TACR3: variants seen among roughly 807,000 people sequenced by gnomAD.
TACR3 encodes the protein tachykinin receptor 3.
TACR3 carries 34 observed loss-of-function variants against 35.0 expected under a neutral mutation model. The observed-to-expected ratio is 0.97, with a 90% CI of 0.74 to 1.30. The LOEUF is 1.30. TACR3 is among the 50% of genes most tolerant of loss of function. The pLI is 0.00. For missense variants in TACR3, 558 were observed against 591.7 expected (o/e 0.94, Z 0.59); for synonymous variants, 233 against 221.1 (o/e 1.05, Z -0.48).
intron 3 of TACR3, among the ~76,000 whole-genome samples, chr4:103,607,436 T>G (rs1372998851): frequency 6.6e-6 from 1 of 151,886 alleles, no homozygotes; most frequent in Non-Finnish European, 1.5e-5. Context: ...ATGCTCATAA[T>G]AAGAATTCAA....
intron 3 of TACR3, among the ~76,000 whole-genome samples, chr4:103,655,505 CTTAT>C (rs1374332237): frequency 2.0e-5 from 3 of 151,980 alleles, no homozygotes; most frequent in Non-Finnish European, 2.9e-5. Flanking sequence ...AAAAATCTAA[CTTAT>C]TTAGTCGCAT....
chr4:103,697,186 T>G (rs1162956362), intron 1 of TACR3, among the ~76,000 whole-genome samples: 1 of 152,180 alleles, frequency 6.6e-6, no homozygotes, highest in Non-Finnish European at 1.5e-5. Flanking sequence ...AACAGATCAG[T>G]AACCAATCAG....
At chr4:103,688,913 G>T (rs1373067222) in intron 1 of TACR3, among the ~76,000 whole-genome samples, 1 of 152,044 alleles carries the variant, frequency 6.6e-6, no homozygotes, top group Non-Finnish European at 1.5e-5. Context: ...ATACCCAAAG[G>T]ACTATAAATC....
intron 3 of TACR3, among the ~76,000 whole-genome samples, chr4:103,596,850 A>G (rs1160194097): frequency 6.6e-6 from 1 of 150,812 alleles, no homozygotes; most frequent in Non-Finnish European, 1.5e-5. Context: ...GAGAACATGC[A>G]GTTTGGTTTT....
At chr4:103,691,925 T>C (rs1722411756) in intron 1 of TACR3, among the ~76,000 whole-genome samples, 1 of 152,194 alleles carries the variant, frequency 6.6e-6, no homozygotes, top group African/African-American at 2.4e-5. Context: ...ACTGGCTTGC[T>C]GTTAATAAAT....
At chr4:103,646,328 C>T (rs1245344414) in intron 3 of TACR3, among the ~76,000 whole-genome samples, 1 of 152,044 alleles carries the variant, frequency 6.6e-6, no homozygotes, top group Non-Finnish European at 1.5e-5. Context: ...GTCTATTCCA[C>T]TTCCACAGTA....
chr4:103,666,462 A>AT (rs1464131628), intron 1 of TACR3, among the ~76,000 whole-genome samples: 1 of 152,206 alleles, frequency 6.6e-6, no homozygotes. Flanking sequence ...GGTATTAAAC[A>AT]TGACCTCATT....
At chr4:103,649,392 G>A (rs1442873898) in intron 3 of TACR3, among the ~76,000 whole-genome samples, 3 of 152,008 alleles carry the variant, frequency 2.0e-5, no homozygotes, top group African/African-American at 7.2e-5. Context: ...TTGACCCAAT[G>A]TTTTTGTGTA....
intron 1 of TACR3, among the ~76,000 whole-genome samples, chr4:103,712,024 G>GCTCATGGGT (rs1221779621): frequency 3.9e-5 from 6 of 152,146 alleles, no homozygotes; most frequent in Non-Finnish European, 8.8e-5. Flanking sequence ...AACATTCCAT[G>GCTCATGGGT]CTCATGGGTA....
At chr4:103,617,523 T>C (rs1227088397) in intron 3 of TACR3, among the ~76,000 whole-genome samples, 6 of 152,186 alleles carry the variant, frequency 3.9e-5, no homozygotes, top group African/African-American at 1.2e-4. Context: ...GGGGGACTTC[T>C]AAGCAAAATC....
intron 1 of TACR3, among the ~76,000 whole-genome samples, chr4:103,703,126 TTTGTCC>T (rs1722700052): frequency 6.6e-6 from 1 of 152,180 alleles, no homozygotes; most frequent in Admixed American, 6.5e-5. Flanking sequence ...GTTTAATCAA[TTTGTCC>T]TATTTTGGAG....
chr4:103,643,150 A>C (rs1371528621), intron 3 of TACR3, among the ~76,000 whole-genome samples: 2 of 151,888 alleles, frequency 1.3e-5, no homozygotes, highest in African/African-American at 4.8e-5. Flanking sequence ...CCACTTCTAC[A>C]TGTGGCTATT....
At chr4:103,649,394 T>C (rs1725532643) in intron 3 of TACR3, among the ~76,000 whole-genome samples, 1 of 152,114 alleles carries the variant, frequency 6.6e-6, no homozygotes, top group Admixed American at 6.6e-5. Flanking sequence ...GACCCAATGT[T>C]TTTGTGTAGT....
At chr4:103,624,742 T>G (rs1368415674) in intron 3 of TACR3, among the ~76,000 whole-genome samples, 2 of 152,224 alleles carry the variant, frequency 1.3e-5, no homozygotes, top group African/African-American at 2.4e-5. Flanking sequence ...ACATTATTTT[T>G]CTATTTGTAA....
chr4:103,629,148 TC>T (rs1724983773), intron 3 of TACR3, among the ~76,000 whole-genome samples: 1 of 152,082 alleles, frequency 6.6e-6, no homozygotes, highest in Admixed American at 6.6e-5. Context: ...CTCAAAATAA[TC>T]AGAGCTATTT....
intron 1 of TACR3, among the ~76,000 whole-genome samples, chr4:103,673,040 C>A (rs1600935): frequency 0.01 from 1,562 of 152,232 alleles, 33 homozygotes; most frequent in African/African-American, 0.036. Flanking sequence ...ACTCTTTGAG[C>A]TTTTATAGCA....
intron 3 of TACR3, among the ~76,000 whole-genome samples, chr4:103,629,542 T>G (rs1459170140): frequency 6.6e-6 from 1 of 152,054 alleles, no homozygotes; most frequent in Non-Finnish European, 1.5e-5. Context: ...CATTCACAAT[T>G]GCTACAAAGA....
chr4:103,693,054 C>G (rs1722439729), intron 1 of TACR3, among the ~76,000 whole-genome samples: 1 of 152,176 alleles, frequency 6.6e-6, no homozygotes, highest in Non-Finnish European at 1.5e-5. Flanking sequence ...AATACTGCCA[C>G]TAAAGGACAG....
chr4:103,716,153 A>G (rs901616857), intron 1 of TACR3, among the ~76,000 whole-genome samples: 2 of 152,086 alleles, frequency 1.3e-5, no homozygotes, highest in Admixed American at 1.3e-4. Flanking sequence ...ATTTTTCAAA[A>G]TGGCAAATTG....
Sources: gnomAD v4.1 joint callset for allele counts (sites outside exome capture counted in the v4.1 genomes callset) on GRCh38, gnomAD v4.1.1 for gene constraint, MANE v1.5 for transcripts, NCBI Gene and HGNC (gene_info 2026-07-23, HGNC 2026-07-21) for gene names.